The following PHF12 variants were observed in gnomAD, a reference collection of about 807,000 sequenced individuals.
PHF12 encodes PHD factor 1.
In PHF12, 6 loss-of-function variants were observed where a neutral mutation model predicts 99.8. The observed-to-expected ratio is 0.06, with a 90% CI of 0.03 to 0.12. PHF12 has a LOEUF of 0.12. PHF12 is among the 10% of genes least tolerant of loss of function. The pLI is 1.00. For missense variants in PHF12, 954 were observed against 1,300.1 expected, an observed-to-expected ratio of 0.73 and a Z score of 4.09; for synonymous variants, 480 against 514.9, an observed-to-expected ratio of 0.93 and a Z score of 0.92.
chr17:28,942,447 G>A (rs2040635120), intron 2 of PHF12, among the ~76,000 whole-genome samples: 1 of 152,026 alleles, frequency 6.6e-6, no homozygotes, highest in Non-Finnish European at 1.5e-5. Flanking sequence ...TTGAGACTAG[G>A]AGTTCAAGGT....
rs147942065 is a variant in PHF12, at chr17:28,912,811, G to A, written c.1760C>T (p.Pro587Leu). Residue 587 changes from proline (P) to leucine (L), a missense_variant, in exon 9 of 15, where the codon CCA becomes CTA. By Grantham distance (98) the Pro-to-Leu change is moderately conservative (BLOSUM62 -3). This residue lies in a region of PHF12 where 392 missense variants were observed against 423.1 expected (regional missense o/e 0.93). Transcript: ENST00000332830. ...GTTCTGAAGGCCCCCAGCCGCTGGTGGCGTGAGGGGCCGGGGCCAGCCTTG... is the reference window on the plus strand; with the variant it reads ...GTTCTGAAGGCCCCCAGCCGCTGGTAGCGTGAGGGGCCGGGGCCAGCCTTG... ...HRQGWPRPLT[P>L]PAAGGLQNHT... 170 of 1,608,596 alleles carry A rather than the reference G, an allele frequency of 1.1e-4. No homozygotes were observed. The highest frequency in any genetic ancestry group is 1.4e-4 in the Non-Finnish European group (168 of 1,176,570).
intron 2 of PHF12, chr17:28,944,359 A>T: frequency 1.8e-6 from 1 of 570,064 alleles, no homozygotes; most frequent in Non-Finnish European, 2.2e-6. Context: ...GCCTTACTTT[A>T]CACAAAAACT....
chr17:28,908,506 G>A, intron 12 of PHF12: 1 of 408,964 alleles, frequency 2.4e-6, no homozygotes, highest in South Asian at 3.8e-5. Flanking sequence ...TTTTGGTAGA[G>A]ATAGGGTTTC....
intron 2 of PHF12, among the ~76,000 whole-genome samples, chr17:28,943,501 A>G (rs2040659630): frequency 6.6e-6 from 1 of 151,944 alleles, no homozygotes; most frequent in Non-Finnish European, 1.5e-5. Flanking sequence ...GTGGTGGCGG[A>G]CATCTGTAAT....
intron 3 of PHF12, chr17:28,924,709 G>C (rs1194872155): frequency 3.7e-6 from 1 of 270,392 alleles, no homozygotes; most frequent in African/African-American, 2.3e-5. Flanking sequence ...CCAGCACTTT[G>C]GGAGGCCGAG....
In PHF12 at chr17:28,906,736, C is replaced by A. The variant is rs576235411; in HGVS notation, c.2680+120G>T. 2.1e-6 allele frequency: 3 copies of A among 1,432,018 alleles called. No homozygotes were observed. The African/African-American group carries it at 4.3e-5, about 20-fold the overall frequency. The allele number at this position is 1,432,018 out of a possible 1,614,324, so 88.7% of individuals were successfully genotyped here. The stretch of plus-strand genomic sequence containing the variant: ...TTCTCTGTGGCCTGCCCTGGGCCCA[C>A]GAGGAAGTAGAGCTTGGCCAATAGG... On this transcript the variant is annotated intron_variant, in intron 14 of 14. Coordinates refer to ENST00000332830, the MANE Select transcript of PHF12 (RefSeq NM_001033561.2). This position sits in a 1 kb window ranked among gnomAD's most constrained non-coding sequence, Gnocchi z 4.2.
Position 28,912,890 on chromosome 17 carries a change from C to T in PHF12, c.1681G>A (p.Asp561Asn), listed in dbSNP as rs1234828481. 1.2e-6 allele frequency: 2 copies of T among 1,613,164 alleles called. No homozygotes were observed. The highest frequency in any genetic ancestry group is 1.7e-6 in the Non-Finnish European group (2 of 1,179,222). The stretch of plus-strand genomic sequence containing the variant: ...TTAGCGCCTGGAAGTCGCCGGGGGT[C>T]CGTGGAATCAGTAGGGCTGCTGTAG... ...HLYSSPTDST[D>N]PRRLPGANTP... is the part of the protein sequence containing the mutation. The change falls in exon 9 of 15, where the codon GAC becomes AAC. Residue 561 changes from aspartate to asparagine, a missense_variant. By Grantham distance (23) the Asp-to-Asn change is conservative (BLOSUM62 1). Transcript: ENST00000332830.
chr17:28,912,497 G>T lies in PHF12; in HGVS notation c.2074C>A (p.Pro692Thr), dbSNP rs758698566. Residue 692 changes from proline (P) to threonine (T), a missense_variant, in exon 9 of 15, where the codon CCA becomes ACA. Transcript: ENST00000332830. Reference protein sequence around the residue: ...ATTANQRFSSPAPSSDGKVSP... With the variant: ...ATTANQRFSSTAPSSDGKVSP... ...CAGCACTCACCTGACGATGGCGCTG[G>T]TGAGCTGAATCGTTGGTTGGCTGTT... is the stretch of plus-strand genomic sequence containing the variant. The T allele has an allele frequency of 2.5e-6, 4 of 1,600,504 alleles. No homozygotes were observed. The highest frequency in any genetic ancestry group is 3.4e-6 in the Non-Finnish European group (4 of 1,170,456).
chr17:28,916,255 C>T (rs914652236), intron 7 of PHF12, among the ~76,000 whole-genome samples: 23 of 152,136 alleles, frequency 1.5e-4, no homozygotes, highest in Non-Finnish European at 2.5e-4. Context: ...AGTGCAATGG[C>T]GCGATCTCGG....
At chr17:28,910,747 T>G in intron 10 of PHF12, 1 of 374,260 alleles carries the variant, frequency 2.7e-6, no homozygotes, top group Admixed American at 4.4e-5. Context: ...GTCCCTGTTC[T>G]CCTGGACTTT....
chr17:28,944,738 CAT>C, intron 2 of PHF12: 1 of 154,340 alleles, frequency 6.5e-6, no homozygotes, highest in Non-Finnish European at 1.4e-5. Context: ...ATAAAATAAA[CAT>C]AAAACCAAAT....
intron 9 of PHF12, chr17:28,912,161 C>G: frequency 8.7e-7 from 1 of 1,151,068 alleles, no homozygotes; most frequent in Non-Finnish European, 1.1e-6. Context: ...TTTAAGGTGA[C>G]AGAACAAAAC....
In PHF12 at chr17:28,912,860, G is replaced by A. The variant is rs527365412; in HGVS notation, c.1711C>T (p.Pro571Ser). Reference protein sequence around the residue: ...DPRRLPGANTPLPGLSHRQGW... With the variant: ...DPRRLPGANTSLPGLSHRQGW... Reference sequence around the variant, plus strand: ...TGCCGGTGTGAGAGGCCTGGTAGTGGGGTGTTAGCGCCTGGAAGTCGCCGG... The same window carrying A: ...TGCCGGTGTGAGAGGCCTGGTAGTGAGGTGTTAGCGCCTGGAAGTCGCCGG... The change falls in exon 9 of 15, where the codon CCA becomes TCA. Residue 571 changes from proline to serine, a missense_variant. Pro to Ser is a moderately conservative substitution (Grantham distance 74, BLOSUM62 -1). This residue lies in a region of PHF12 where 392 missense variants were observed against 423.1 expected (regional missense o/e 0.93). Transcript: ENST00000332830. 1 of 1,610,684 alleles carries A rather than the reference G, an allele frequency of 6.2e-7. No homozygotes were observed. Among genetic ancestry groups the A allele is most frequent in the African/African-American group, 1.3e-5 (1 of 74,970 alleles).
At chr17:28,944,265 A>C (rs553756977) in intron 2 of PHF12, among the ~76,000 whole-genome samples, 6 of 152,356 alleles carry the variant, frequency 3.9e-5, no homozygotes, top group Non-Finnish European at 8.8e-5. Context: ...TTACAACTGC[A>C]TCCTACCTTT....
At chr17:28,924,357 G>A in intron 3 of PHF12, 55 bp from the exon 4 acceptor site, 1 of 1,611,710 alleles carries the variant, frequency 6.2e-7, no homozygotes, top group Non-Finnish European at 8.5e-7. Context: ...ACAAAGAGAT[G>A]GGTGCTACAA....
chr17:28,919,635 G>C (rs1280205902), intron 5 of PHF12, among the ~76,000 whole-genome samples: 2 of 152,222 alleles, frequency 1.3e-5, no homozygotes, highest in Non-Finnish European at 2.9e-5. Flanking sequence ...AGCTACTCGG[G>C]AGGCTGAGGC....
intron 2 of PHF12, among the ~76,000 whole-genome samples, chr17:28,941,038 ACTT>A (rs1361794747): frequency 9.3e-5 from 12 of 128,924 alleles, no homozygotes; most frequent in Non-Finnish European, 1.6e-4. Context: ...GGGAAAACAG[ACTT>A]TTTTTTTTTT....
chr17:28,947,451 A>G (rs529275392), intron 2 of PHF12, among the ~76,000 whole-genome samples: 2 of 152,094 alleles, frequency 1.3e-5, no homozygotes, highest in African/African-American at 2.4e-5. Flanking sequence ...GGTGGCGGGC[A>G]CCTATAATCC....
At chr17:28,940,469 TTTAC>T (rs1474137191) in intron 2 of PHF12, among the ~76,000 whole-genome samples, 9 of 152,234 alleles carry the variant, frequency 5.9e-5, no homozygotes, top group Non-Finnish European at 1.2e-4. Flanking sequence ...GCACATGTAA[TTTAC>T]TTATTGTGAA....
Sources: allele counts gnomAD v4.1 joint callset (sites outside exome capture counted in the v4.1 genomes callset), GRCh38; gene constraint gnomAD v4.1.1; regional missense constraint gnomAD v4.1.1; non-coding constraint Gnocchi (gnomAD v3.1); transcripts MANE v1.5; gene names NCBI Gene and HGNC (gene_info 2026-07-23, HGNC 2026-07-21).